LRRN1: variants seen among roughly 807,000 people sequenced by gnomAD.
The protein encoded by LRRN1 is leucine-rich repeat neuronal protein 1.
LRRN1 carries 14 observed loss-of-function variants against 45.8 expected under a neutral mutation model. The ratio of observed to expected loss-of-function variants is 0.31; its 90% CI spans 0.20 to 0.48. The LOEUF is 0.48. LRRN1 is among the 20% of genes least tolerant of loss of function. LRRN1 has a pLI of 0.99. For missense variants in LRRN1, 789 were observed against 874.2 expected, an observed-to-expected ratio of 0.90 and a Z score of 1.23; for synonymous variants, 359 against 330.1, an observed-to-expected ratio of 1.09 and a Z score of -0.95.
rs1575303787 is a variant in LRRN1, at chr3:3,844,582, G to C, written c.-60G>C. The C allele has an allele frequency of 8.0e-7, 1 of 1,257,286 alleles. No individual in the cohort carries two copies. The highest frequency in any genetic ancestry group is 1.5e-5 in the African/African-American group (1 of 67,278). 77.9% of individuals were successfully genotyped at this position (1,257,286 alleles called of 1,614,324 possible). ...TCGCTGTCCTACATATCACAATATA[G>C]TGTTCACGTTTTGTTAAAACTTTGG... On this transcript the variant is annotated 5_prime_UTR_variant, in exon 2 of 2. Transcript: ENST00000319331.
rs1024529200 is a variant in LRRN1 at position 3,846,394 on chromosome 3, C to T, written c.1753C>T (p.His585Tyr). Residue 585 changes from histidine (H) to tyrosine (Y), a missense_variant, in exon 2 of 2, where the codon CAT becomes TAT. By Grantham distance (83) the His-to-Tyr change is moderately conservative. Coordinates refer to ENST00000319331, the MANE Select transcript of LRRN1 (RefSeq NM_020873.7). This position sits in a 1 kb window ranked among gnomAD's most constrained non-coding sequence, Gnocchi z 5.7. ...PVDVHEYNLT[H>Y]LQPSTDYEVC... is the part of the protein sequence containing the mutation. ...CGATGTCCATGAATACAACCTAACG[C>T]ATCTGCAGCCTTCCACAGATTATGA... The T allele has an allele frequency of 5.0e-6, 8 of 1,613,800 alleles. No individual in the cohort carries two copies. Among genetic ancestry groups the T allele is most frequent in the Non-Finnish European group, 5.9e-6 (7 of 1,180,018 alleles).
chr3:3,846,674 A>C lies in LRRN1; in HGVS notation c.2033A>C (p.Asn678Thr). 1 of 1,614,008 alleles carries C rather than the reference A, an allele frequency of 6.2e-7. No individual in the cohort carries two copies. Among genetic ancestry groups the C allele is most frequent in the Non-Finnish European group, 8.5e-7 (1 of 1,180,008 alleles). Residue 678 changes from asparagine (N) to threonine (T), a missense_variant, in exon 2 of 2, where the codon AAT (asparagine) becomes ACT (threonine). Asn to Thr is a moderately conservative substitution (Grantham distance 65). Transcript: ENST00000319331. The surrounding 1 kb of genome is among the most constrained non-coding windows in gnomAD (Gnocchi z 5.7). ...YMQKTSSIPL[N>T]ELYPPLINLW... ...CAAAAAACCTCTTCAATCCCACTAA[A>C]TGAGCTGTACCCACCACTCATTAAC...
chr3:3,847,296 G>A lies in LRRN1; in HGVS notation c.*504G>A, dbSNP rs897194250. 3 of 167,000 alleles carry A rather than the reference G, an allele frequency of 1.8e-5. No individual in the cohort carries two copies. The highest frequency in any genetic ancestry group is 2.1e-4 in the South Asian group (1 of 4,826). 10.3% of individuals were successfully genotyped at this position (167,000 alleles called of 1,614,324 possible). ...AGCTAAGGCTAGACTTGTTACCTTC[G>A]TTGAATGATGTTAGTTGACTGTACT... On this transcript the variant is annotated 3_prime_UTR_variant, in exon 2 of 2. Transcript: ENST00000319331.
intron 1 of LRRN1, among the ~76,000 whole-genome samples, chr3:3,800,445 A>G (rs982068061): frequency 3.3e-5 from 5 of 152,150 alleles, no homozygotes; most frequent in African/African-American, 4.8e-5. Context: ...TGGCCTTGGT[A>G]AGAGAAAGGG....
chr3:3,834,554 G>GAT (rs1320317844), intron 1 of LRRN1, among the ~76,000 whole-genome samples: 2 of 15,306 alleles, frequency 1.3e-4, no homozygotes, highest in Non-Finnish European at 3.3e-4. Context: ...ATATATATAT[G>GAT]ATATATATAT....
intron 1 of LRRN1, among the ~76,000 whole-genome samples, chr3:3,836,499 G>A (rs1693517167): frequency 2.6e-5 from 4 of 152,296 alleles, no homozygotes; most frequent in South Asian, 4.1e-4. Context: ...TGTAGCATAT[G>A]ACAGGACTTC....
chr3:3,823,250 A>C (rs190586738), intron 1 of LRRN1, among the ~76,000 whole-genome samples: 1 of 152,124 alleles, frequency 6.6e-6, no homozygotes, highest in Admixed American at 6.5e-5. Context: ...TACTTAGAGC[A>C]TGGGCTTTGA....
At chr3:3,836,527 G>C (rs541729233) in intron 1 of LRRN1, among the ~76,000 whole-genome samples, 14 of 152,240 alleles carry the variant, frequency 9.2e-5, no homozygotes, top group African/African-American at 3.4e-4. Flanking sequence ...AAGCTGGATA[G>C]TATTCCATTG....
At chr3:3,843,481 C>T (rs1010864107) in intron 1 of LRRN1, among the ~76,000 whole-genome samples, 2 of 150,968 alleles carry the variant, frequency 1.3e-5, no homozygotes, top group Admixed American at 6.6e-5. Context: ...AGAATATTCA[C>T]AGAATTGTGC....
Position 3,841,878 on chromosome 3 carries a change from C to T in LRRN1, c.-278-2486C>T, listed in dbSNP as rs146924282. 5.9e-5 allele frequency among the ~76,000 whole-genome samples: 9 copies of T among 152,220 alleles called. 1 individual carries two copies. In the East Asian group the frequency reaches 1.4e-3, roughly 23 times the overall value. On this transcript the variant is annotated intron_variant, in intron 1 of 1. Transcript: ENST00000319331. ...GTCAGAGTCAACTAGTTTTATAATA[C>T]TGAAAAGTTTTGCAAATACAAGCAT...
In LRRN1 at chr3:3,845,188, GAT is replaced by G. The variant is rs781111203; in HGVS notation, c.549_550del (p.Asp183GlufsTer5). ...GAACTCCAACAAATTGAAAGTTATTGATAGTCGCTGGTTTGATTCTACACCCA... is the reference window on the plus strand; with the variant it reads ...GAACTCCAACAAATTGAAAGTTATTGAGTCGCTGGTTTGATTCTACACCCA... ...HLNSNKLKVI[D>X]SRWFDSTPNL... On this transcript the variant is annotated frameshift_variant, in exon 2 of 2. Coordinates refer to ENST00000319331, the MANE Select transcript of LRRN1 (RefSeq NM_020873.7). LOFTEE classifies it high-confidence loss of function. The surrounding 1 kb of genome is among the most constrained non-coding windows in gnomAD (Gnocchi z 6.5). 1 of 1,614,110 alleles carries G rather than the reference GAT, an allele frequency of 6.2e-7. No individual in the cohort carries two copies. The highest frequency in any genetic ancestry group is 8.5e-7 in the Non-Finnish European group (1 of 1,180,030).
At position 3,846,335 on chromosome 3, in the gene LRRN1, A is replaced by G. The variant is rs1575306125; in HGVS notation, c.1694A>G (p.Asn565Ser). Residue 565 changes from asparagine to serine, a missense_variant, in exon 2 of 2, where the codon AAC (asparagine) becomes AGC (serine). By Grantham distance (46) the Asn-to-Ser change is conservative. Coordinates refer to ENST00000319331, the MANE Select transcript of LRRN1 (RefSeq NM_020873.7). This position sits in a 1 kb window ranked among gnomAD's most constrained non-coding sequence, Gnocchi z 5.7. ...TCGTCTGCCACCATGAAGATTGATA[A>G]CCCTCACATAACATATACTGCCAGG... The part of the protein sequence containing the change: ...KWSSATMKID[N>S]PHITYTARVP... 6.2e-7 allele frequency: 1 copy of G among 1,613,824 alleles called. No individual in the cohort carries two copies. The highest frequency in any genetic ancestry group is 8.5e-7 in the Non-Finnish European group (1 of 1,180,008).
Position 3,848,134 on chromosome 3 carries a change from G to T in LRRN1, c.*1342G>T, listed in dbSNP as rs1693815281. 1.3e-5 allele frequency among the ~76,000 whole-genome samples: 2 copies of T among 152,144 alleles called. No individual in the cohort carries two copies. The highest frequency in any genetic ancestry group is 4.8e-5 in the African/African-American group (2 of 41,430). On this transcript the variant is annotated 3_prime_UTR_variant, in exon 2 of 2. Transcript: ENST00000319331. ...TATGACATGTTATTTCTTTTTAACA[G>T]TTGTCTATATGCTTAGACCCGTGTT...
chr3:3,820,031 G>T (rs191402057), intron 1 of LRRN1, among the ~76,000 whole-genome samples: 1 of 150,296 alleles, frequency 6.7e-6, no homozygotes, highest in Admixed American at 6.6e-5. Context: ...CCTTCCCAGG[G>T]ATCCTGTTTT....
chr3:3,846,583 A>G lies in LRRN1; in HGVS notation c.1942A>G (p.Ile648Val). 1.9e-6 allele frequency: 3 copies of G among 1,614,092 alleles called. No homozygotes were observed. Among genetic ancestry groups the G allele is most frequent in the Non-Finnish European group, 2.5e-6 (3 of 1,180,010 alleles). The change falls in exon 2 of 2, where the codon ATT (isoleucine) becomes GTT (valine). Residue 648 changes from isoleucine (I) to valine (V), a missense_variant. Physicochemically the swap from Ile to Val is conservative, Grantham distance 29. Coordinates refer to ENST00000319331, the MANE Select transcript of LRRN1 (RefSeq NM_020873.7). This position sits in a 1 kb window ranked among gnomAD's most constrained non-coding sequence, Gnocchi z 5.7. ...SMFAVISLAS[I>V]AVYFAKRFKR... ...GTTTGCCGTCATTAGCCTTGCGTCC[A>G]TTGCTGTGTACTTTGCCAAAAGATT...
chr3:3,819,830 T>C (rs1465870561), intron 1 of LRRN1, among the ~76,000 whole-genome samples: 1 of 152,218 alleles, frequency 6.6e-6, no homozygotes, highest in Non-Finnish European at 1.5e-5. Context: ...GATACACTGA[T>C]GGTAAATGGT....
At chr3:3,827,449 C>G (rs916382933) in intron 1 of LRRN1, 24 of 456,598 alleles carry the variant, frequency 5.3e-5, no homozygotes, top group Non-Finnish European at 9.7e-5. Flanking sequence ...CTGGGTCCAT[C>G]TTGCCTCATG....
intron 1 of LRRN1, among the ~76,000 whole-genome samples, chr3:3,823,210 T>G (rs554688527): frequency 6.6e-6 from 1 of 152,282 alleles, no homozygotes; most frequent in South Asian, 2.1e-4. Context: ...TGGGGGTTTT[T>G]GGGATGACTG....
rs1206752552 is a variant in LRRN1, at chr3:3,844,641, C to T, written c.-1C>T. On this transcript the variant is annotated 5_prime_UTR_variant, in exon 2 of 2. Coordinates refer to ENST00000319331, the MANE Select transcript of LRRN1 (RefSeq NM_020873.7). ...GAGTTGAGCTTGCTCAGCAAGCCAG[C>T]ATGGCTAGGATGAGCTTTGTTATAG... is the stretch of plus-strand genomic sequence containing the variant. The T allele has an allele frequency of 1.2e-6, 2 of 1,604,732 alleles. No individual in the cohort carries two copies. The highest frequency in any genetic ancestry group is 8.5e-7 in the Non-Finnish European group (1 of 1,174,114).
Sources: allele counts gnomAD v4.1 joint callset (sites outside exome capture counted in the v4.1 genomes callset), GRCh38; gene constraint gnomAD v4.1.1; non-coding constraint Gnocchi (gnomAD v3.1); transcripts MANE v1.5; gene names NCBI Gene and HGNC (gene_info 2026-07-23, HGNC 2026-07-21).